Variants in LYST observed in about 807,000 individuals in gnomAD.
LYST encodes lysosomal trafficking regulator.
Under a neutral mutation model 413.6 loss-of-function variants are expected in LYST, and 192 were observed. The ratio of observed to expected loss-of-function variants is 0.46; its 90% confidence interval spans 0.41 to 0.52. The LOEUF (loss-of-function observed/expected upper bound fraction) is 0.52. Among genes scored for constraint, LYST ranks in the 20% least tolerant of loss-of-function variants. The probability of loss-of-function intolerance (pLI) is 0.00; values close to 1 mark genes in which losing one functional copy is unlikely to be tolerated. For synonymous variants in LYST, 1,525 were observed against 1,567.3 expected, an observed-to-expected ratio of 0.97 and a Z score of 0.64; for missense variants, 3,815 against 4,499.9, an observed-to-expected ratio of 0.85 and a Z score of 4.35.
At chr1:235,878,092 A>T (rs370586190) in intron 1 of LYST, among the ~76,000 whole-genome samples, 1 of 152,206 alleles carries the variant, frequency 6.6e-6, no homozygotes, top group African/African-American at 2.4e-5. Context: ...GGCCCACTTA[A>T]TAATGTAATC....
At chr1:235,814,579 C>A (rs1435259937) in intron 3 of LYST, among the ~76,000 whole-genome samples, 1 of 152,178 alleles carries the variant, frequency 6.6e-6, no homozygotes, top group East Asian at 1.9e-4. Context: ...AGGGCCAAAG[C>A]TGTTGCCCTT....
chr1:235,752,178 A>G lies in LYST; in HGVS notation c.7461-7T>C, dbSNP rs1427962613. On this transcript the variant is annotated splice_region_variant and splice_polypyrimidine_tract_variant and intron_variant, in intron 26 of 52. Transcript: ENST00000389793. ...ATATTCACTCATGGGAATGCTAAAG[A>G]TAACAACAAAAGAAGAAAACAGAAC... 8 of 1,594,780 alleles carry G rather than the reference A, an allele frequency of 5.0e-6. No homozygotes were observed. In the East Asian group the frequency reaches 9.0e-5, roughly 18 times the overall value.
chr1:235,774,947 T>C lies in LYST; in HGVS notation c.5600A>G (p.Lys1867Arg). The C allele has an allele frequency of 6.2e-7, 1 of 1,610,792 alleles. No homozygotes were observed. The highest frequency in any genetic ancestry group is 8.5e-7 in the Non-Finnish European group (1 of 1,178,768). Residue 1867 changes from lysine to arginine, a missense_variant, in exon 18 of 53, where the codon AAA becomes AGA. By Grantham distance (26) the Lys-to-Arg change is conservative (BLOSUM62 2). Around this residue, in one of 4 missense-constraint regions of LYST, gnomAD observed 530 missense variants for 696.5 expected, o/e 0.76. Coordinates refer to ENST00000389793, the MANE Select transcript of LYST (RefSeq NM_000081.4). ...GTAAAACCCAACAATGCATTTTTGTTTGATCAACACCTGATGAATCATAGA... is the reference window on the plus strand; with the variant it reads ...GTAAAACCCAACAATGCATTTTTGTCTGATCAACACCTGATGAATCATAGA... ...GLSMIHQVLI[K>R]QKCIVGFYIL...
In LYST at chr1:235,810,113, A is replaced by C. The variant is rs765623825; in HGVS notation, c.705T>G (p.Thr235=). 40 of 1,614,004 alleles carry C rather than the reference A, an allele frequency of 2.5e-5. No individual in the cohort carries two copies. Among genetic ancestry groups the C allele is most frequent in the Non-Finnish European group, 3.4e-5 (40 of 1,179,992 alleles). Residue 235 remains threonine, a synonymous_variant, in exon 5 of 53, where the codon ACT becomes ACG. Coordinates refer to ENST00000389793, the MANE Select transcript of LYST (RefSeq NM_000081.4). ...REIIPRQGSN[T]DILSEPAALS... ...AGGCAGCTGGCTCACTTAAAATGTC[A>C]GTGTTTGACCCCTGTCTTGGAATAA...
chr1:235,756,071 A>ATCTATC (rs1558195751), intron 24 of LYST, among the ~76,000 whole-genome samples: 3 of 148,328 alleles, frequency 2.0e-5, no homozygotes, highest in African/African-American at 7.6e-5. Context: ...CTGTATCTAT[A>ATCTATC]TCTATCCTAG....
Position 235,724,180 on chromosome 1 carries a change from T to A in LYST, c.9163A>T (p.Ser3055Cys), listed in dbSNP as rs757656987. 4 of 1,612,090 alleles carry A rather than the reference T, an allele frequency of 2.5e-6. 1 individual carries two copies. Among genetic ancestry groups the A allele is most frequent in the Non-Finnish European group, 1.7e-6 (2 of 1,178,838 alleles). ...GCTGGTTCCAACTCTCCCTGAAGGC[T>A]CTAAGACAAAGAAATAGGCAAAAAT... ...DNASDTVESS[S>C]LQGELEPASF... is the part of the protein sequence containing the mutation. The change falls in exon 39 of 53, where the codon AGC (serine) becomes TGC (cysteine). Residue 3055 changes from serine (S) to cysteine (C), a missense_variant and splice_region_variant. This residue lies in a region of LYST where 866 missense variants were observed against 1,156.0 expected (regional missense o/e 0.75). Coordinates refer to ENST00000389793, the MANE Select transcript of LYST (RefSeq NM_000081.4).
intron 25 of LYST, among the ~76,000 whole-genome samples, chr1:235,753,888 CA>C (rs1666730368): frequency 6.6e-6 from 1 of 152,086 alleles, no homozygotes; most frequent in Non-Finnish European, 1.5e-5. Context: ...TTGAAACTAC[CA>C]TAACAATTTA....
intron 47 of LYST, among the ~76,000 whole-genome samples, chr1:235,690,310 A>T (rs1347866824): frequency 6.6e-6 from 1 of 152,202 alleles, no homozygotes; most frequent in East Asian, 1.9e-4. Flanking sequence ...CCAATTTATA[A>T]TAATCCCAAA....
Position 235,755,471 on chromosome 1 carries a change from CACTT to C in LYST, c.7229+3_7229+6del. The C allele has an allele frequency of 6.2e-7, 1 of 1,602,108 alleles. No individual in the cohort carries two copies. Among genetic ancestry groups the C allele is most frequent in the Non-Finnish European group, 8.5e-7 (1 of 1,170,168 alleles). ...CCCAATTATAGTGGAGGGAAGAACACACTTACTCTTCATCAAGGCCAATATGTCG... is the reference window on the plus strand; with the variant it reads ...CCCAATTATAGTGGAGGGAAGAACACACTCTTCATCAAGGCCAATATGTCG... On this transcript the variant is annotated splice_donor_5th_base_variant and intron_variant, in intron 25 of 52. Coordinates refer to ENST00000389793, the MANE Select transcript of LYST (RefSeq NM_000081.4).
Position 235,803,004 on chromosome 1 carries a change from C to A in LYST, c.3616G>T (p.Asp1206Tyr). The A allele has an allele frequency of 6.2e-7, 1 of 1,613,264 alleles. No individual in the cohort carries two copies. Among genetic ancestry groups the A allele is most frequent in the East Asian group, 2.2e-5 (1 of 44,776 alleles). The stretch of plus-strand genomic sequence containing the variant: ...AGTTTAAAACTACAACACTGAGAAT[C>A]CTCAGCTTCTTCTGAAAAATCACCA... The part of the protein sequence containing the change: ...QPGDFSEEAE[D>Y]SQCCSFKLLV... The change falls in exon 8 of 53, where the codon GAT (aspartate) becomes TAT (tyrosine). Residue 1206 changes from aspartate to tyrosine, a missense_variant. This residue lies in a region of LYST where 1,648 missense variants were observed against 1,810.3 expected (regional missense o/e 0.91). Coordinates refer to ENST00000389793, the MANE Select transcript of LYST (RefSeq NM_000081.4).
intron 14 of LYST, among the ~76,000 whole-genome samples, chr1:235,782,601 T>C (rs1240773576): frequency 1.3e-5 from 2 of 152,176 alleles, no homozygotes; most frequent in East Asian, 3.8e-4. Flanking sequence ...GAGAGATACC[T>C]GATGATCCCA....
At chr1:235,800,554 CT>C (rs1397050610) in intron 9 of LYST, among the ~76,000 whole-genome samples, 168 bp from the exon 10 acceptor site, 1 of 151,990 alleles carries the variant, frequency 6.6e-6, no homozygotes, top group African/African-American at 2.4e-5. Flanking sequence ...TTTTCATTTT[CT>C]TTTTATACTG....
intron 21 of LYST, among the ~76,000 whole-genome samples, chr1:235,763,841 C>T (rs1667841181): frequency 6.6e-6 from 1 of 152,096 alleles, no homozygotes; most frequent in Non-Finnish European, 1.5e-5. Flanking sequence ...AACTGGGTTA[C>T]TATCACAGAT....
chr1:235,753,013 A>C (rs1666656699), intron 26 of LYST, 31 bp downstream of exon 26: 1 of 1,149,834 alleles, frequency 8.7e-7, no homozygotes, highest in Non-Finnish European at 1.3e-6. Flanking sequence ...TATTTATCAG[A>C]TGTAATTTTA....
intron 21 of LYST, 113 bp from the exon 22 acceptor site, chr1:235,762,964 GA>G: frequency 6.4e-6 from 5 of 782,540 alleles, no homozygotes; most frequent in Non-Finnish European, 1.1e-5. Context: ...TGTTTAAAGA[GA>G]AAAATATATA....
chr1:235,668,148 C>T (rs953470697), intron 50 of LYST, among the ~76,000 whole-genome samples: 20 of 152,122 alleles, frequency 1.3e-4, no homozygotes, highest in African/African-American at 4.3e-4. Flanking sequence ...GTTGAATCCA[C>T]GGATGTGAAA....
At chr1:235,683,371 A>C (rs2103049755) in intron 48 of LYST, among the ~76,000 whole-genome samples, 1 of 152,378 alleles carries the variant, frequency 6.6e-6, no homozygotes, top group African/African-American at 2.4e-5. Flanking sequence ...ACTTATACGA[A>C]GATGATGTGG....
At chr1:235,843,183 A>G (rs1272032062) in intron 1 of LYST, among the ~76,000 whole-genome samples, 3 of 149,770 alleles carry the variant, frequency 2.0e-5, no homozygotes, top group African/African-American at 7.7e-5. Context: ...GGCCACAGTG[A>G]TAAGAAGGGA....
intron 13 of LYST, among the ~76,000 whole-genome samples, chr1:235,788,212 T>A (rs923818981): frequency 1.3e-5 from 2 of 152,280 alleles, no homozygotes; most frequent in African/African-American, 2.4e-5. Context: ...CAGACTGGAG[T>A]GCAGTGGCGC....
Sources: gnomAD v4.1 joint callset for allele counts (sites outside exome capture counted in the v4.1 genomes callset) on GRCh38, gnomAD v4.1.1 for gene constraint, gnomAD v4.1.1 regional missense constraint, MANE v1.5 for transcripts, NCBI Gene and HGNC (gene_info 2026-07-23, HGNC 2026-07-21) for gene names.